The following EGFR variants were observed in gnomAD, a reference collection of about 807,000 sequenced individuals.
EGFR encodes the protein epidermal growth factor receptor, also known as avian erythroblastic leukemia viral (v-erb-b) oncogene homolog.
EGFR carries 58 observed loss-of-function variants against 143.0 expected under a neutral mutation model. The ratio of observed to expected loss-of-function variants is 0.41; its 90% CI spans 0.33 to 0.50. EGFR has a LOEUF of 0.50. Ranked by LOEUF, EGFR falls within the 20% of genes least tolerant of loss-of-function variation. The pLI, the probability that EGFR is intolerant of heterozygous loss-of-function variation, is 0.39. For synonymous variants in EGFR, 613 were observed against 594.4 expected (o/e 1.03, Z -0.45); for missense variants, 1,307 against 1,579.0 (o/e 0.83, Z 2.92).
intron 1 of EGFR, among the ~76,000 whole-genome samples, chr7:55,079,598 TTG>T (rs1039232084): frequency 3.3e-5 from 5 of 152,130 alleles, no homozygotes; most frequent in African/African-American, 1.2e-4. Context: ...TTTTGTTTGT[TTG>T]TTTGTTCGTT....
chr7:55,159,619 A>G (rs2128940965), intron 11 of EGFR, among the ~76,000 whole-genome samples: 1 of 152,332 alleles, frequency 6.6e-6, no homozygotes, highest in South Asian at 2.1e-4. Flanking sequence ...TGCTCTTCAC[A>G]CCGGCTCAAA....
intron 1 of EGFR, among the ~76,000 whole-genome samples, chr7:55,025,396 A>G (rs572031908): frequency 5.4e-4 from 83 of 152,324 alleles, no homozygotes; most frequent in African/African-American, 1.9e-3. Flanking sequence ...TCCCAGATTG[A>G]CACCCAGGCT....
intron 1 of EGFR, among the ~76,000 whole-genome samples, chr7:55,104,727 G>T (rs1326652713): frequency 6.6e-6 from 1 of 152,202 alleles, no homozygotes; most frequent in Non-Finnish European, 1.5e-5. Flanking sequence ...CCCACTGTAA[G>T]AGGCTAGGCT....
At position 55,019,340 on chromosome 7, in the gene EGFR, G is replaced by C. The variant is rs1421885942; in HGVS notation, c.63G>C (p.Ala21=). ...LLALLAALCP[A]SRALEEKKVC... The stretch of plus-strand genomic sequence containing the variant: ...CGCTGCTGGCTGCGCTCTGCCCGGC[G>C]AGTCGGGCTCTGGAGGAAAAGAAAG... The change falls in exon 1 of 28, where the codon GCG becomes GCC. Residue 21 remains alanine (A), a synonymous_variant. Coordinates refer to ENST00000275493, the MANE Select transcript of EGFR (RefSeq NM_005228.5). 1 of 1,517,806 alleles carries C rather than the reference G, an allele frequency of 6.6e-7. No homozygotes were observed. Among genetic ancestry groups the C allele is most frequent in the Non-Finnish European group, 8.9e-7 (1 of 1,128,352 alleles). The allele number at this position is 1,517,806 out of a possible 1,614,324, so 94.0% of individuals were successfully genotyped here.
chr7:55,171,407 T>C (rs1456670988), intron 16 of EGFR, among the ~76,000 whole-genome samples, 194 bp downstream of exon 16: 1 of 152,234 alleles, frequency 6.6e-6, no homozygotes, highest in East Asian at 1.9e-4. Context: ...GTGCCAACTT[T>C]GTCCTCAGTG....
At chr7:55,179,328 G>T (rs139144461) in intron 19 of EGFR, among the ~76,000 whole-genome samples, 148 of 152,360 alleles carry the variant, frequency 9.7e-4, no homozygotes, top group African/African-American at 3.4e-3. Context: ...TGGCCTGGGG[G>T]CGGGACCCAA....
intron 5 of EGFR, among the ~76,000 whole-genome samples, chr7:55,152,043 C>T (rs1161114804): frequency 6.6e-6 from 1 of 152,218 alleles, no homozygotes; most frequent in African/African-American, 2.4e-5. Context: ...TACCCACCTA[C>T]ACAGAAGCCT....
chr7:55,090,720 GTAAC>G (rs1182711799), intron 1 of EGFR, among the ~76,000 whole-genome samples: 1 of 152,154 alleles, frequency 6.6e-6, no homozygotes, highest in Non-Finnish European at 1.5e-5. Context: ...AAAGCCATAT[GTAAC>G]TAACTGTTTG....
chr7:55,059,032 TG>T (rs1235199567), intron 1 of EGFR, among the ~76,000 whole-genome samples: 1 of 152,192 alleles, frequency 6.6e-6, no homozygotes, highest in African/African-American at 2.4e-5. Context: ...GACCTGGTGT[TG>T]GGGTTTCACA....
At position 55,065,473 on chromosome 7, in the gene EGFR, A is replaced by T. The variant is rs373347196; in HGVS notation, c.88+46108A>T. Among the ~76,000 whole-genome samples the T allele has an allele frequency of 2.1e-4, 32 of 152,336 alleles. 2 individuals carry two copies. Among genetic ancestry groups the T allele is most frequent in the Admixed American group, 1.2e-3 (19 of 15,296 alleles). ...CTAACACATTTGTGTCTTTAAAAAGATCAGTTTTATTTTAAGATTAAAAAT... is the reference window on the plus strand; with the variant it reads ...CTAACACATTTGTGTCTTTAAAAAGTTCAGTTTTATTTTAAGATTAAAAAT... On this transcript the variant is annotated intron_variant, in intron 1 of 27. Coordinates refer to ENST00000275493, the MANE Select transcript of EGFR (RefSeq NM_005228.5).
chr7:55,116,246 C>T (rs1792833101), intron 1 of EGFR, among the ~76,000 whole-genome samples: 1 of 152,238 alleles, frequency 6.6e-6, no homozygotes, highest in African/African-American at 2.4e-5. Flanking sequence ...TCCAGGCCTT[C>T]ACACCTTCTC....
At chr7:55,166,995 G>A in intron 15 of EGFR, among the ~76,000 whole-genome samples, 1 of 136,530 alleles carries the variant, frequency 7.3e-6, no homozygotes, top group African/African-American at 2.9e-5. Context: ...ATGATGATGA[G>A]GAGGTGGGAG....
chr7:55,155,694 C>T (rs2128937097), intron 7 of EGFR, 136 bp from the exon 8 acceptor site: 1 of 777,578 alleles, frequency 1.3e-6, no homozygotes, highest in South Asian at 1.4e-5. Context: ...ACCTTTCATT[C>T]TTTGTCCTTA....
At chr7:55,087,136 A>G (rs1448871361) in intron 1 of EGFR, among the ~76,000 whole-genome samples, 1 of 152,084 alleles carries the variant, frequency 6.6e-6, no homozygotes, top group Non-Finnish European at 1.5e-5. Context: ...AGAGCTGACC[A>G]CAAGCGGGGG....
At chr7:55,196,004 T>C (rs986666077) in intron 22 of EGFR, among the ~76,000 whole-genome samples, 1 of 152,146 alleles carries the variant, frequency 6.6e-6, no homozygotes, top group Non-Finnish European at 1.5e-5. Flanking sequence ...GTCTTTATGG[T>C]AGAATGATTT....
intron 12 of EGFR, among the ~76,000 whole-genome samples, chr7:55,161,220 CG>C (rs1785681551): frequency 6.6e-6 from 1 of 152,228 alleles, no homozygotes; most frequent in Non-Finnish European, 1.5e-5. Flanking sequence ...CACCCCCTCT[CG>C]GGTGCCAGGG....
intron 16 of EGFR, among the ~76,000 whole-genome samples, chr7:55,171,497 TG>T (rs1786353276): frequency 1.3e-5 from 2 of 152,238 alleles, no homozygotes; most frequent in South Asian, 4.1e-4. Flanking sequence ...CTGAATTCCT[TG>T]GTTCCACTGG....
chr7:55,160,028 C>T, intron 11 of EGFR, 111 bp from the exon 12 acceptor site: 5 of 1,162,348 alleles, frequency 4.3e-6, no homozygotes, highest in Non-Finnish European at 6.3e-6. Context: ...GACCTACCAT[C>T]ATTGGAAAGC....
intron 19 of EGFR, among the ~76,000 whole-genome samples, chr7:55,178,171 A>T (rs1016048998): frequency 1.3e-5 from 2 of 152,182 alleles, no homozygotes; most frequent in Non-Finnish European, 2.9e-5. Context: ...AAATGAATAC[A>T]ATATGTTTTC....
Sources: allele counts gnomAD v4.1 joint callset (sites outside exome capture counted in the v4.1 genomes callset), GRCh38; gene constraint gnomAD v4.1.1; transcripts MANE v1.5; gene names NCBI Gene and HGNC (gene_info 2026-07-23, HGNC 2026-07-21).